The following COPS4 variants were observed in gnomAD, a reference collection of about 807,000 sequenced individuals.
COPS4 encodes COP9 signalosome subunit 4.
COPS4 carries 8 observed loss-of-function variants against 55.1 expected under a neutral mutation model. The observed-to-expected ratio is 0.15, with a 90% CI of 0.09 to 0.26. The LOEUF (loss-of-function observed/expected upper bound fraction) is 0.26. Ranked by LOEUF, COPS4 falls within the 10% of genes least tolerant of loss-of-function variation. The probability of loss-of-function intolerance (pLI) is 1.00; values close to 1 mark genes in which losing one functional copy is unlikely to be tolerated. For synonymous variants in COPS4, 185 were observed against 165.7 expected (o/e 1.12, Z -0.90); for missense variants, 248 against 484.0 (o/e 0.51, Z 4.58).
intron 6 of COPS4, 124 bp downstream of exon 6, chr4:83,057,532 T>G (rs573538279): frequency 5.9e-6 from 4 of 682,410 alleles, no homozygotes; most frequent in African/African-American, 5.5e-5. Flanking sequence ...AATACAGTTA[T>G]GGTAAATGTA....
intron 9 of COPS4, 32 bp from the exon 10 acceptor site, chr4:83,075,265 A>C (rs1050002885): frequency 6.2e-7 from 1 of 1,608,798 alleles, no homozygotes; most frequent in African/African-American, 1.3e-5. Context: ...CAAAGGAATA[A>C]TTTTAATTTT....
At chr4:83,073,389 G>A (rs1731487192) in intron 9 of COPS4, 2 of 560,536 alleles carry the variant, frequency 3.6e-6, no homozygotes, top group Non-Finnish European at 6.6e-6. Flanking sequence ...TAGCCGAATA[G>A]CATTTCATTG....
At chr4:83,065,082 C>G (rs567970693) in intron 7 of COPS4, 4 of 686,476 alleles carry the variant, frequency 5.8e-6, no homozygotes, top group Non-Finnish European at 1.1e-5. Context: ...TCCATTTTGC[C>G]CAGGCTGGTC....
intron 9 of COPS4, chr4:83,073,400 G>T: frequency 1.9e-6 from 1 of 522,162 alleles, no homozygotes; most frequent in Non-Finnish European, 3.5e-6. Context: ...CATTTCATTG[G>T]ATGTATATAC....
intron 8 of COPS4, among the ~76,000 whole-genome samples, chr4:83,067,159 G>A (rs1242411421): frequency 6.6e-6 from 1 of 151,466 alleles, no homozygotes; most frequent in Non-Finnish European, 1.5e-5. Flanking sequence ...CTTCAGACTC[G>A]TGGGTTCAAG....
Position 83,050,045 on chromosome 4 carries a change from A to G in COPS4, c.410+61A>G, listed in dbSNP as rs546049792. 3.2e-4 allele frequency: 319 copies of G among 989,650 alleles called. 2 individuals are homozygous for G. The highest frequency in any genetic ancestry group is 2.6e-3 in the South Asian group (159 of 61,866). 61.3% of individuals were successfully genotyped at this position (989,650 alleles called of 1,614,324 possible). Reference sequence around the variant, plus strand: ...AGGATGTATATAATTGCTCACTTATATTTTTTCTTACATTCTAGTACAGGA... The same window carrying G: ...AGGATGTATATAATTGCTCACTTATGTTTTTTCTTACATTCTAGTACAGGA... On this transcript the variant is annotated intron_variant, in intron 4 of 9. Coordinates refer to ENST00000264389, the MANE Select transcript of COPS4 (RefSeq NM_016129.3).
intron 6 of COPS4, among the ~76,000 whole-genome samples, chr4:83,057,860 TGTA>T (rs1230466467): frequency 6.8e-6 from 1 of 146,714 alleles, no homozygotes; most frequent in African/African-American, 2.5e-5. Context: ...AGGTGGAGCT[TGTA>T]GTGAGCCGAG....
At chr4:83,044,155 T>C (rs184933702) in intron 1 of COPS4, among the ~76,000 whole-genome samples, 3 of 152,324 alleles carry the variant, frequency 2.0e-5, no homozygotes, top group Non-Finnish European at 2.9e-5. Flanking sequence ...TTAAAAAATA[T>C]TACAATTGGC....
chr4:83,055,251 G>T (rs565881335), intron 4 of COPS4, among the ~76,000 whole-genome samples: 32 of 152,040 alleles, frequency 2.1e-4, no homozygotes, highest in Admixed American at 1.6e-3. Context: ...TGCACTCCTG[G>T]CATAAAATGT....
chr4:83,062,125 A>T (rs1369161969), intron 6 of COPS4, among the ~76,000 whole-genome samples: 6 of 152,208 alleles, frequency 3.9e-5, no homozygotes, highest in African/African-American at 1.4e-4. Context: ...GATTTTTTTA[A>T]TGTTATCGGT....
At chr4:83,060,824 C>T (rs1177662351) in intron 6 of COPS4, among the ~76,000 whole-genome samples, 1 of 151,530 alleles carries the variant, frequency 6.6e-6, no homozygotes, top group African/African-American at 2.4e-5. Flanking sequence ...GCACTGAGGT[C>T]GGGAGTTTGA....
intron 8 of COPS4, among the ~76,000 whole-genome samples, chr4:83,067,641 G>A (rs1731322602): frequency 6.6e-6 from 1 of 151,828 alleles, no homozygotes; most frequent in Admixed American, 6.6e-5. Flanking sequence ...TGGGACTACA[G>A]GCATGAGTCA....
At chr4:83,074,404 C>T (rs1731511836) in intron 9 of COPS4, among the ~76,000 whole-genome samples, 2 of 151,268 alleles carry the variant, frequency 1.3e-5, no homozygotes, top group African/African-American at 4.9e-5. Flanking sequence ...AAAGAAAAAA[C>T]ACTTTTCTTA....
intron 2 of COPS4, among the ~76,000 whole-genome samples, chr4:83,046,407 A>G (rs978055934): frequency 2.9e-4 from 44 of 152,360 alleles, no homozygotes; most frequent in African/African-American, 9.6e-4. Flanking sequence ...CAGAAGTACC[A>G]TTCAACCAGC....
At chr4:83,074,649 CTT>C (rs907335858) in intron 9 of COPS4, among the ~76,000 whole-genome samples, 1 of 135,674 alleles carries the variant, frequency 7.4e-6, no homozygotes, top group Non-Finnish European at 1.6e-5. Context: ...TTTTACTTTT[CTT>C]TTTTTTTTTT....
intron 3 of COPS4, chr4:83,049,567 T>A (rs1021468051): frequency 6.2e-6 from 3 of 481,334 alleles, no homozygotes; most frequent in Non-Finnish European, 1.1e-5. Context: ...TTAAAATCAG[T>A]AAAATTGGTA....
intron 9 of COPS4, among the ~76,000 whole-genome samples, chr4:83,069,227 C>T (rs1731360873): frequency 6.6e-6 from 1 of 152,080 alleles, no homozygotes; most frequent in African/African-American, 2.4e-5. Flanking sequence ...CTCCTTATTC[C>T]CACCTCATTT....
chr4:83,061,623 A>G (rs1578717061), intron 6 of COPS4, among the ~76,000 whole-genome samples: 1 of 152,182 alleles, frequency 6.6e-6, no homozygotes, highest in South Asian at 2.1e-4. Flanking sequence ...TATTTGACAC[A>G]GCTTTTTATT....
intron 3 of COPS4, 140 bp from the exon 4 acceptor site, chr4:83,049,741 T>C: frequency 3.5e-6 from 2 of 571,802 alleles, no homozygotes; most frequent in Non-Finnish European, 3.0e-6. Context: ...GTAGGAAAAC[T>C]TGGGTGGTCT....
Sources: allele counts gnomAD v4.1 joint callset (sites outside exome capture counted in the v4.1 genomes callset), GRCh38; gene constraint gnomAD v4.1.1; transcripts MANE v1.5; gene names NCBI Gene and HGNC (gene_info 2026-07-23, HGNC 2026-07-21).